Variants in TESC observed in about 807,000 individuals in gnomAD.
TESC encodes calcineurin B homologous protein 3.
Under a neutral mutation model 31.0 loss-of-function variants are expected in TESC, and 19 were observed. That is an observed-to-expected ratio of 0.61 (90% CI 0.43 to 0.90). TESC has a LOEUF of 0.90. Ranked by LOEUF, TESC falls within the 40% of genes least tolerant of loss-of-function variation. TESC has a pLI of 0.00. For missense variants in TESC, 248 were observed against 303.8 expected, an observed-to-expected ratio of 0.82 and a Z score of 1.36; for synonymous variants, 109 against 114.8, an observed-to-expected ratio of 0.95 and a Z score of 0.32.
intron 7 of TESC, among the ~76,000 whole-genome samples, chr12:117,040,589 G>A (rs11833966): frequency 0.076 from 11,443 of 151,276 alleles, 1,138 homozygotes; most frequent in African/African-American, 0.23. Flanking sequence ...TCTGGCGGGC[G>A]TCACCTTCTC....
chr12:117,092,257 G>C (rs554636247), intron 1 of TESC, among the ~76,000 whole-genome samples: 1 of 152,282 alleles, frequency 6.6e-6, no homozygotes, highest in African/African-American at 2.4e-5. Flanking sequence ...GAGCGAAGTG[G>C]CACAGGACGG....
intron 1 of TESC, among the ~76,000 whole-genome samples, chr12:117,075,644 C>T (rs1215550915): frequency 6.6e-6 from 1 of 151,286 alleles, no homozygotes; most frequent in Non-Finnish European, 1.5e-5. Context: ...CTGACCTTAC[C>T]CAGCCCACTA....
intron 6 of TESC, among the ~76,000 whole-genome samples, chr12:117,044,530 G>A (rs1281782340): frequency 2.6e-5 from 4 of 152,200 alleles, no homozygotes; most frequent in African/African-American, 9.7e-5. Context: ...GGGGGAAGCA[G>A]CCCCGGCTGA....
intron 1 of TESC, among the ~76,000 whole-genome samples, chr12:117,098,144 C>G (rs1363893519): frequency 6.6e-6 from 1 of 152,192 alleles, no homozygotes; most frequent in Non-Finnish European, 1.5e-5. Context: ...GCCACCCTCT[C>G]TTGGTGATCA....
chr12:117,039,071 C>T lies in TESC; in HGVS notation c.*62G>A. The T allele has an allele frequency of 6.3e-7, 1 of 1,579,710 alleles. No homozygotes were observed. The highest frequency in any genetic ancestry group is 8.6e-7 in the Non-Finnish European group (1 of 1,159,578). ...GGCTGTCCGCCGGGCCTGGGCTGCT[C>T]CAGCTACGCGGGGAGGCGGCCCCAT... On this transcript the variant is annotated 3_prime_UTR_variant, in exon 8 of 8. Transcript: ENST00000335209.
chr12:117,067,897 G>A lies in TESC; in HGVS notation c.128+7374C>T, dbSNP rs181079128. Among the ~76,000 whole-genome samples, 504 of 152,080 alleles carry A rather than the reference G, an allele frequency of 3.3e-3. 4 individuals carry two copies. Among genetic ancestry groups the A allele is most frequent in the African/African-American group, 0.011 (459 of 41,436 alleles). On this transcript the variant is annotated intron_variant, in intron 2 of 7. Transcript: ENST00000335209. ...GGCTCCCATTTCTGCTCACAACCCCGTGCTTTTTTTTCTTTTTGAGACAGT... is the reference window on the plus strand; with the variant it reads ...GGCTCCCATTTCTGCTCACAACCCCATGCTTTTTTTTCTTTTTGAGACAGT...
chr12:117,082,613 G>T (rs1161780860), intron 1 of TESC, among the ~76,000 whole-genome samples: 2 of 151,968 alleles, frequency 1.3e-5, no homozygotes, highest in Non-Finnish European at 2.9e-5. Context: ...AATATTTTTT[G>T]AATATTGTGG....
At chr12:117,072,014 CTG>C (rs1954980411) in intron 2 of TESC, among the ~76,000 whole-genome samples, 1 of 152,192 alleles carries the variant, frequency 6.6e-6, no homozygotes, top group African/African-American at 2.4e-5. Flanking sequence ...TGGAAAAAAA[CTG>C]TTGTAGGGAA....
intron 2 of TESC, among the ~76,000 whole-genome samples, chr12:117,072,265 C>CT (rs987064625): frequency 1.3e-5 from 2 of 151,990 alleles, no homozygotes; most frequent in Admixed American, 6.6e-5. Flanking sequence ...CTTGCACCTG[C>CT]TTTTTTTTCC....
intron 2 of TESC, among the ~76,000 whole-genome samples, chr12:117,059,140 T>G (rs1474742463): frequency 6.6e-6 from 1 of 152,210 alleles, no homozygotes; most frequent in Non-Finnish European, 1.5e-5. Context: ...GGAGTGGGAT[T>G]CAACACTAGG....
intron 3 of TESC, among the ~76,000 whole-genome samples, chr12:117,055,917 T>A (rs1047324531): frequency 6.7e-6 from 1 of 149,848 alleles, no homozygotes; most frequent in Non-Finnish European, 1.5e-5. Flanking sequence ...TTTTCCTTTT[T>A]TTTTTTTTTT....
intron 7 of TESC, 34 bp from the exon 8 acceptor site, chr12:117,039,244 C>A: frequency 6.3e-7 from 1 of 1,590,102 alleles, no homozygotes; most frequent in Non-Finnish European, 8.6e-7. Flanking sequence ...AGGGCACGTT[C>A]CCGCCGCCAC....
At chr12:117,062,137 TGG>T (rs1954807651) in intron 2 of TESC, among the ~76,000 whole-genome samples, 3 of 152,048 alleles carry the variant, frequency 2.0e-5, no homozygotes, top group African/African-American at 7.2e-5. Context: ...ACCCTCAAAA[TGG>T]AAGGAACTAT....
At position 117,099,416 on chromosome 12, in the gene TESC, C is replaced by T. The variant is rs1408987059; in HGVS notation, c.-134G>A. Reference sequence around the variant, plus strand: ...GGCGAAGGCTCGGAGCCGCGGGTTCCGCGTGGGGCCGGAGCGGGGCCTCAT... The same window carrying T: ...GGCGAAGGCTCGGAGCCGCGGGTTCTGCGTGGGGCCGGAGCGGGGCCTCAT... On this transcript the variant is annotated 5_prime_UTR_variant, in exon 1 of 8. Transcript: ENST00000335209. The T allele has an allele frequency of 7.0e-6, 6 of 856,096 alleles. No individual in the cohort carries two copies. The highest frequency in any genetic ancestry group is 3.6e-5 in the African/African-American group (2 of 55,636). The allele number at this position is 856,096 out of a possible 1,614,324, so 53.0% of individuals were successfully genotyped here. A position where few individuals can be genotyped will look rare whatever the true frequency, so the allele number is the denominator to read the frequency against.
intron 2 of TESC, among the ~76,000 whole-genome samples, chr12:117,074,488 T>C (rs530437873): frequency 1.3e-5 from 2 of 152,264 alleles, no homozygotes; most frequent in Admixed American, 6.5e-5. Flanking sequence ...ATGCAGAAGG[T>C]TGATTTTCCT....
intron 2 of TESC, among the ~76,000 whole-genome samples, chr12:117,067,155 A>C (rs1593008369): frequency 6.6e-6 from 1 of 152,122 alleles, no homozygotes; most frequent in South Asian, 2.1e-4. Context: ...ATCCTAGCTG[A>C]GGCTTTTAAA....
intron 1 of TESC, among the ~76,000 whole-genome samples, chr12:117,079,543 C>T (rs937942141): frequency 6.7e-6 from 1 of 148,976 alleles, no homozygotes; most frequent in African/African-American, 2.5e-5. Context: ...GACTGGGTGA[C>T]AAAGCGAGAC....
At chr12:117,042,723 A>G (rs1176790655) in intron 6 of TESC, among the ~76,000 whole-genome samples, 1 of 152,146 alleles carries the variant, frequency 6.6e-6, no homozygotes, top group Admixed American at 6.5e-5. Flanking sequence ...TCCCACCGAC[A>G]AGCCTCCAAA....
chr12:117,065,354 T>G (rs1593006894), intron 2 of TESC, among the ~76,000 whole-genome samples: 1 of 151,940 alleles, frequency 6.6e-6, no homozygotes, highest in Non-Finnish European at 1.5e-5. Flanking sequence ...GAGGTAGAAA[T>G]GGCAGTGTTT....
Sources: allele counts gnomAD v4.1 joint callset (sites outside exome capture counted in the v4.1 genomes callset), GRCh38; gene constraint gnomAD v4.1.1; transcripts MANE v1.5; gene names NCBI Gene and HGNC (gene_info 2026-07-23, HGNC 2026-07-21).